Variants in NTN4 observed in about 807,000 individuals in gnomAD.
NTN4 encodes netrin-4.
In NTN4, 32 loss-of-function variants were observed where a neutral mutation model predicts 73.6. That is an observed-to-expected ratio of 0.44 (90% confidence interval 0.33 to 0.58). NTN4 has a LOEUF of 0.58. Among genes scored for constraint, NTN4 ranks in the 20% least tolerant of loss-of-function variants. NTN4 has a pLI of 0.04. For synonymous variants in NTN4, 258 were observed against 287.5 expected, an observed-to-expected ratio of 0.90 and a Z score of 1.04; for missense variants, 654 against 798.3, an observed-to-expected ratio of 0.82 and a Z score of 2.18.
rs762439443 is a variant in NTN4 at position 95,732,236 on chromosome 12, TTCTC to T, written c.864+5626_864+5629del. Among the ~76,000 whole-genome samples the T allele has an allele frequency of 2.0e-4, 28 of 138,592 alleles. No individual in the cohort carries two copies. The East Asian group carries it at 3.0e-3, about 15-fold the overall frequency. The allele number at this position is 138,592 out of a possible 152,430, so 90.9% of individuals were successfully genotyped here. A position where few individuals can be genotyped will look rare whatever the true frequency, so the allele number is the denominator to read the frequency against. On this transcript the variant is annotated intron_variant, in intron 3 of 9. Coordinates refer to ENST00000343702, the MANE Select transcript of NTN4 (RefSeq NM_021229.4). ...TCTCTCCCTTTCTCTCTTTCTTTCT[TTCTC>T]TGTCTTTCTTTCTTTCTCTCCTTTC...
chr12:95,694,632 C>T (rs570534049), intron 5 of NTN4, among the ~76,000 whole-genome samples: 2 of 151,958 alleles, frequency 1.3e-5, no homozygotes, highest in East Asian at 1.9e-4. Context: ...TTCTTCTTTC[C>T]TTCTGCTATC....
intron 3 of NTN4, among the ~76,000 whole-genome samples, chr12:95,735,903 ATTTT>A (rs772154084): frequency 0.078 from 11,011 of 141,406 alleles, 454 homozygotes; most frequent in Non-Finnish European, 0.092. Context: ...TTTTTTTTAA[ATTTT>A]TATTTATTTA....
chr12:95,731,730 T>A (rs549998714), intron 3 of NTN4, among the ~76,000 whole-genome samples: 1 of 152,200 alleles, frequency 6.6e-6, no homozygotes, highest in South Asian at 2.1e-4. Context: ...TTTTCTCTGT[T>A]CTTGGCACGA....
rs1338410934 is a variant in NTN4 at position 95,779,301 on chromosome 12, C to T, written c.585+7638G>A. Among the ~76,000 whole-genome samples, 5 of 152,320 alleles carry T rather than the reference C, an allele frequency of 3.3e-5. No individual in the cohort carries two copies. The East Asian group carries it at 9.7e-4, about 29-fold the overall frequency. The stretch of plus-strand genomic sequence containing the variant: ...CCTATTCAACATAGTGTTGGAAGTT[C>T]TGGCCATGGCAATCAGGCAGGAGAA... On this transcript the variant is annotated intron_variant, in intron 2 of 9. Coordinates refer to ENST00000343702, the MANE Select transcript of NTN4 (RefSeq NM_021229.4).
chr12:95,668,272 A>C (rs1006917374), intron 8 of NTN4, among the ~76,000 whole-genome samples: 4 of 152,050 alleles, frequency 2.6e-5, no homozygotes, highest in African/African-American at 4.8e-5. Context: ...AATTCTTCTT[A>C]AGTAGAAAAT....
At chr12:95,724,584 T>A (rs887415413) in intron 3 of NTN4, among the ~76,000 whole-genome samples, 2 of 152,192 alleles carry the variant, frequency 1.3e-5, no homozygotes, top group Non-Finnish European at 2.9e-5. Context: ...GCTCCTTTTC[T>A]CCTTTATAAC....
At chr12:95,770,636 G>A (rs2079050455) in intron 2 of NTN4, among the ~76,000 whole-genome samples, 1 of 152,226 alleles carries the variant, frequency 6.6e-6, no homozygotes, top group Non-Finnish European at 1.5e-5. Flanking sequence ...AAAAGTAACA[G>A]AAGTTCTTGA....
At chr12:95,729,326 T>C (rs376280572) in intron 3 of NTN4, among the ~76,000 whole-genome samples, 2 of 152,026 alleles carry the variant, frequency 1.3e-5, no homozygotes, top group Non-Finnish European at 2.9e-5. Flanking sequence ...ATCTTCTCTA[T>C]TTTTGTTCTA....
At chr12:95,790,928 C>G (rs1490840972), upstream of NTN4, among the ~76,000 whole-genome samples, 7 of 117,128 alleles carry the variant, frequency 6.0e-5, no homozygotes, top group African/African-American at 1.9e-4. This position sits in a 1 kb window ranked among gnomAD's most constrained non-coding sequence, Gnocchi z 6.5. Context: ...CGCTGCCGCC[C>G]GGGGGGGGGG....
At chr12:95,748,935 G>A (rs543130424) in intron 2 of NTN4, among the ~76,000 whole-genome samples, 166 of 152,296 alleles carry the variant, frequency 1.1e-3, no homozygotes, top group African/African-American at 3.7e-3. Flanking sequence ...ATGGCCTGAA[G>A]TAACTGAAGA....
In NTN4 at chr12:95,710,580, C is replaced by T; in HGVS notation, c.1041G>A (p.Val347=). 1 of 1,614,212 alleles carries T rather than the reference C, an allele frequency of 6.2e-7. No homozygotes were observed. The highest frequency in any genetic ancestry group is 8.5e-7 in the Non-Finnish European group (1 of 1,180,024). The change falls in exon 5 of 10, where the codon GTG becomes GTA. Residue 347 remains valine, a synonymous_variant. Transcript: ENST00000343702. ...HADTCHFDVN[V]WEASGNRSGG... ...CACTACGATTCCCTGATGCCTCCCACACATTAACGTCGAAGTGACAGGTAT... is the reference window on the plus strand; with the variant it reads ...CACTACGATTCCCTGATGCCTCCCATACATTAACGTCGAAGTGACAGGTAT...
chr12:95,761,712 C>G (rs1053335973), intron 2 of NTN4, among the ~76,000 whole-genome samples: 2 of 152,136 alleles, frequency 1.3e-5, no homozygotes, highest in Admixed American at 6.5e-5. Flanking sequence ...ACCTACAAAA[C>G]CTGGTCACAC....
intron 7 of NTN4, among the ~76,000 whole-genome samples, chr12:95,675,140 TTTC>T (rs2078263771): frequency 6.6e-6 from 1 of 152,232 alleles, no homozygotes; most frequent in Non-Finnish European, 1.5e-5. Flanking sequence ...AAAGACTTGT[TTTC>T]TTTTTCAAAT....
chr12:95,787,073 CA>C lies in NTN4; in HGVS notation c.450del (p.Phe150LeufsTer70). ...AAMVLDRSQD[F>X]GKTWKPYKYF... ...TACTTATAAGGCTTCCATGTTTTCC[CA>C]AAGTCCTGGGAGCGGTCCAGCACCA... On this transcript the variant is annotated frameshift_variant, in exon 2 of 10. Coordinates refer to ENST00000343702, the MANE Select transcript of NTN4 (RefSeq NM_021229.4). LOFTEE classifies it high-confidence loss of function. The C allele has an allele frequency of 6.2e-7, 1 of 1,614,184 alleles. No homozygotes were observed. The highest frequency in any genetic ancestry group is 8.5e-7 in the Non-Finnish European group (1 of 1,180,042).
intron 2 of NTN4, among the ~76,000 whole-genome samples, chr12:95,769,913 C>A (rs2079045545): frequency 6.6e-6 from 1 of 152,044 alleles, no homozygotes; most frequent in African/African-American, 2.4e-5. Flanking sequence ...TGCGCCACCA[C>A]ACCCGGCTAA....
intron 2 of NTN4, among the ~76,000 whole-genome samples, chr12:95,756,502 T>C (rs1308009418): frequency 6.6e-6 from 1 of 152,182 alleles, no homozygotes; most frequent in Non-Finnish European, 1.5e-5. Context: ...TGAGTCCTCC[T>C]GGGGAGTACA....
chr12:95,691,703 T>C (rs757549559), intron 5 of NTN4, among the ~76,000 whole-genome samples: 91 of 152,106 alleles, frequency 6.0e-4, no homozygotes, highest in Non-Finnish European at 9.6e-4. Context: ...CCTGTCTTCT[T>C]GTTAGACCCA....
intron 2 of NTN4, among the ~76,000 whole-genome samples, chr12:95,742,682 T>C (rs1298228852): frequency 6.6e-6 from 1 of 152,222 alleles, no homozygotes; most frequent in African/African-American, 2.4e-5. Context: ...GATGGCACAC[T>C]TACACTGTTC....
intron 2 of NTN4, among the ~76,000 whole-genome samples, chr12:95,771,029 G>A (rs1476004264): frequency 7.6e-6 from 1 of 131,558 alleles, no homozygotes; most frequent in East Asian, 2.0e-4. Flanking sequence ...TCGCTCTGTC[G>A]CCCAGGCTGG....
Sources: gnomAD v4.1 joint callset for allele counts (sites outside exome capture counted in the v4.1 genomes callset) on GRCh38, gnomAD v4.1.1 for gene constraint, Gnocchi (gnomAD v3.1) non-coding constraint, MANE v1.5 for transcripts, NCBI Gene and HGNC (gene_info 2026-07-23, HGNC 2026-07-21) for gene names.